TMCC2: variants seen among roughly 807,000 people sequenced by gnomAD.
TMCC2 encodes the protein transmembrane and coiled-coil domains protein 2.
Under a neutral mutation model 49.4 loss-of-function variants are expected in TMCC2, and 16 were observed. The observed-to-expected ratio is 0.32, with a 90% CI of 0.22 to 0.49. TMCC2 has a LOEUF of 0.49. Ranked by LOEUF, TMCC2 falls within the 20% of genes least tolerant of loss-of-function variation. TMCC2 has a pLI of 0.99. For missense variants in TMCC2, 762 were observed against 989.8 expected (o/e 0.77, Z 3.09); for synonymous variants, 397 against 434.1 (o/e 0.91, Z 1.06).
chr1:205,256,246 G>A, intron 2 of TMCC2: 1 of 1,524,602 alleles, frequency 6.6e-7, no homozygotes, highest in Non-Finnish European at 8.8e-7. Flanking sequence ...GTTCTGCTGT[G>A]AGAAGCTGCC....
intron 1 of TMCC2, among the ~76,000 whole-genome samples, chr1:205,236,085 A>AG (rs1166128719): frequency 6.6e-6 from 1 of 151,882 alleles, no homozygotes; most frequent in Non-Finnish European, 1.5e-5. Flanking sequence ...AAAAAAAAAA[A>AG]AAGAACAGTT....
rs776636318 is a variant in TMCC2, at chr1:205,241,858, C to T, written c.561C>T (p.Ser187=). Residue 187 remains serine (S), a synonymous_variant, in exon 2 of 5, where the codon TCC becomes TCT. Transcript: ENST00000358024. The surrounding 1 kb of genome is among the most constrained non-coding windows in gnomAD (Gnocchi z 7.3). ...GCAGCCGGCGCACCAAGAGTAGCTC[C>T]CTGGAGCCCCAGCGTGGCAGCCCTC... ...GSSSRRTKSS[S]LEPQRGSPHL... 6 of 1,601,566 alleles carry T rather than the reference C, an allele frequency of 3.7e-6. No homozygotes were observed. The highest frequency in any genetic ancestry group is 1.1e-5 in the South Asian group (1 of 89,790).
At chr1:205,253,865 C>T (rs947037607) in intron 2 of TMCC2, among the ~76,000 whole-genome samples, 2 of 152,228 alleles carry the variant, frequency 1.3e-5, no homozygotes, top group South Asian at 4.1e-4. Flanking sequence ...GAGGGAGCTT[C>T]AGGACCAGTC....
chr1:205,242,414 T>C (rs1399909142), intron 2 of TMCC2, among the ~76,000 whole-genome samples: 1 of 152,152 alleles, frequency 6.6e-6, no homozygotes, highest in African/African-American at 2.4e-5. Context: ...TTGTGCTTGT[T>C]TCACCAATTG....
At chr1:205,228,929 G>A in intron 1 of TMCC2, 158 bp downstream of exon 1, 6 of 1,427,134 alleles carry the variant, frequency 4.2e-6, no homozygotes, top group Non-Finnish European at 5.5e-6. Context: ...GGGACGTCAG[G>A]TACCATTTAT....
At position 205,264,978 on chromosome 1, in the gene TMCC2, C is replaced by A. The variant is rs1011724719; in HGVS notation, c.748-3972C>A. Among the ~76,000 whole-genome samples the A allele has an allele frequency of 2.0e-5, 3 of 152,180 alleles. No individual in the cohort carries two copies. Among genetic ancestry groups the A allele is most frequent in the African/African-American group, 7.2e-5 (3 of 41,454 alleles). The stretch of plus-strand genomic sequence containing the variant: ...GGAAAATATGCCACCTTTCTGGAAG[C>A]CAGTGGAACTGAGTCCTCCACAGGG... On this transcript the variant is annotated intron_variant, in intron 2 of 4. Transcript: ENST00000358024. This position sits in a 1 kb window ranked among gnomAD's most constrained non-coding sequence, Gnocchi z 4.2.
chr1:205,271,683 A>C (rs1409395813), intron 4 of TMCC2, 130 bp from the exon 5 acceptor site: 1 of 1,238,746 alleles, frequency 8.1e-7, no homozygotes, highest in Non-Finnish European at 1.1e-6. Flanking sequence ...CAGCTGGTCA[A>C]CCTCCACTCC....
rs192719553 is a variant in TMCC2 at position 205,264,297 on chromosome 1, G to A, written c.748-4653G>A. Among the ~76,000 whole-genome samples, 10 of 152,208 alleles carry A rather than the reference G, an allele frequency of 6.6e-5. No individual in the cohort carries two copies. Among genetic ancestry groups the A allele is most frequent in the African/African-American group, 2.4e-4 (10 of 41,540 alleles). ...AAATACTATGAAAATAGAAAATAGT[G>A]TGACACTGTTGTTTCTTGTTTTTTG... is the stretch of plus-strand genomic sequence containing the variant. On this transcript the variant is annotated intron_variant, in intron 2 of 4. Transcript: ENST00000358024. This position sits in a 1 kb window ranked among gnomAD's most constrained non-coding sequence, Gnocchi z 4.2.
Position 205,271,216 on chromosome 1 carries a change from G to A in TMCC2, c.1779G>A (p.Lys593=), listed in dbSNP as rs1286189334. 2 of 1,614,046 alleles carry A rather than the reference G, an allele frequency of 1.2e-6. No individual in the cohort carries two copies. Among genetic ancestry groups the A allele is most frequent in the East Asian group, 2.2e-5 (1 of 44,888 alleles). The change falls in exon 4 of 5, where the codon AAG becomes AAA. Residue 593 remains lysine (K), a synonymous_variant. Transcript: ENST00000358024. ...AGGAGCTGGCCAGCATGGAGGAGAAGGTGGCCTACCAGTCCTATGAGAGGG... is the reference window on the plus strand; with the variant it reads ...AGGAGCTGGCCAGCATGGAGGAGAAAGTGGCCTACCAGTCCTATGAGAGGG... The part of the protein sequence containing the change: ...LKQELASMEE[K]VAYQSYERAR...
intron 2 of TMCC2, among the ~76,000 whole-genome samples, chr1:205,243,540 CAGA>C (rs995480091): frequency 1.3e-5 from 2 of 151,814 alleles, no homozygotes; most frequent in African/African-American, 4.8e-5. Flanking sequence ...AAGTGAAAGT[CAGA>C]AGTAGTAGGT....
chr1:205,249,578 C>T (rs1316394989), intron 2 of TMCC2, among the ~76,000 whole-genome samples: 1 of 152,182 alleles, frequency 6.6e-6, no homozygotes, highest in African/African-American at 2.4e-5. Context: ...CTGAAGGGGC[C>T]CAGACGGGCC....
At chr1:205,232,192 G>A (rs11240394) in intron 1 of TMCC2, among the ~76,000 whole-genome samples, 28,201 of 152,152 alleles carry the variant, frequency 0.19, 3,218 homozygotes, top group East Asian at 0.44. Context: ...CCAGTGAAAA[G>A]TAGTAGTTAA....
At chr1:205,257,379 G>A in intron 2 of TMCC2, 1 of 1,232,354 alleles carries the variant, frequency 8.1e-7, no homozygotes, top group Non-Finnish European at 1.0e-6. Flanking sequence ...GAGGCGTCTG[G>A]TGGGTGGAAG....
At chr1:205,259,696 G>A (rs1406518040) in intron 2 of TMCC2, among the ~76,000 whole-genome samples, 1 of 152,234 alleles carries the variant, frequency 6.6e-6, no homozygotes, top group African/African-American at 2.4e-5. Flanking sequence ...CAGGCCCTGG[G>A]AGGAGGTGGA....
chr1:205,247,559 C>T (rs1660499876), intron 2 of TMCC2, among the ~76,000 whole-genome samples: 1 of 152,276 alleles, frequency 6.6e-6, no homozygotes, highest in Middle Eastern at 3.4e-3. Context: ...TTCCAGCCAT[C>T]GGTAAACCCT....
rs761908365 is a variant in TMCC2 at position 205,271,148 on chromosome 1, G to A, written c.1711G>A (p.Asp571Asn). ...RYERLEEQLN[D>N]LTELHQNEMT... ...CGAGCGGCTGGAGGAGCAGCTCAACGACCTGACTGAGCTTCATCAGAACGA... is the reference window on the plus strand; with the variant it reads ...CGAGCGGCTGGAGGAGCAGCTCAACAACCTGACTGAGCTTCATCAGAACGA... Residue 571 changes from aspartate to asparagine, a missense_variant, in exon 4 of 5, where the codon GAC (aspartate) becomes AAC (asparagine). Coordinates refer to ENST00000358024, the MANE Select transcript of TMCC2 (RefSeq NM_014858.4). The A allele has an allele frequency of 3.7e-6, 6 of 1,613,212 alleles. No homozygotes were observed. The highest frequency in any genetic ancestry group is 5.1e-6 in the Non-Finnish European group (6 of 1,179,966).
At chr1:205,270,072 A>G (rs989268520) in intron 3 of TMCC2, among the ~76,000 whole-genome samples, 188 bp downstream of exon 3, 1 of 151,974 alleles carries the variant, frequency 6.6e-6, no homozygotes, top group Non-Finnish European at 1.5e-5. Context: ...TTGGAGGCGG[A>G]GTGTCTCTCT....
intron 2 of TMCC2, among the ~76,000 whole-genome samples, chr1:205,261,721 G>A (rs1305268313): frequency 1.3e-5 from 2 of 151,944 alleles, no homozygotes; most frequent in South Asian, 2.1e-4. Context: ...GGTGTGAAGC[G>A]TCTCTTAATT....
Position 205,272,000 on chromosome 1 carries a change from C to T in TMCC2, c.2006C>T (p.Thr669Met), listed in dbSNP as rs756092641. 10 of 1,614,088 alleles carry T rather than the reference C, an allele frequency of 6.2e-6. No homozygotes were observed. Among genetic ancestry groups the T allele is most frequent in the South Asian group, 3.3e-5 (3 of 91,088 alleles). The change falls in exon 5 of 5, where the codon ACG (threonine) becomes ATG (methionine). Residue 669 changes from threonine to methionine, a missense_variant. Thr to Met is a moderately conservative substitution (Grantham distance 81, BLOSUM62 -1). Transcript: ENST00000358024. The stretch of plus-strand genomic sequence containing the variant: ...GTGTCCACCATCGCCAACTTCATCA[C>T]GCCCCTCATGAAGACACGCCTGCGC... ...VFVSTIANFI[T>M]PLMKTRLRIT...
Sources: allele counts gnomAD v4.1 joint callset (sites outside exome capture counted in the v4.1 genomes callset), GRCh38; gene constraint gnomAD v4.1.1; non-coding constraint Gnocchi (gnomAD v3.1); transcripts MANE v1.5; gene names NCBI Gene and HGNC (gene_info 2026-07-23, HGNC 2026-07-21).